LGSN: variants seen among roughly 807,000 people sequenced by gnomAD.
LGSN encodes the protein lengsin, lens protein with glutamine synthetase domain.
In LGSN, 21 loss-of-function variants were observed where a neutral mutation model predicts 19.5. That is an observed-to-expected ratio of 1.07 (90% confidence interval 0.76 to 1.55). LGSN has a LOEUF of 1.55. Ranked by LOEUF, LGSN falls within the 40% of genes most tolerant of loss-of-function variation. The pLI, the probability that LGSN is intolerant of heterozygous loss-of-function variation, is 0.00. For synonymous variants in LGSN, 257 were observed against 215.6 expected (o/e 1.19, Z -1.68); for missense variants, 673 against 608.5 (o/e 1.11, Z -1.12).
intron 1 of LGSN, among the ~76,000 whole-genome samples, chr6:63,295,715 A>G (rs1582032862): frequency 6.6e-6 from 1 of 152,204 alleles, no homozygotes; most frequent in Non-Finnish European, 1.5e-5. Context: ...CCTTGACATG[A>G]CAGGATATGC....
intron 1 of LGSN, among the ~76,000 whole-genome samples, chr6:63,296,457 T>G (rs946769063): frequency 6.6e-6 from 1 of 151,366 alleles, no homozygotes; most frequent in Non-Finnish European, 1.5e-5. Flanking sequence ...GTCTATAATT[T>G]TACTTTTGTT....
chr6:63,337,763 C>A, the LGSN span, among the ~76,000 whole-genome samples: 1 of 152,086 alleles, frequency 6.6e-6, no homozygotes, highest in Non-Finnish European at 1.5e-5. Flanking sequence ...ATGGTTGCAC[C>A]ACTGCACTCC....
At chr6:63,549,091 C>A in the LGSN span, 1 of 708,460 alleles carries the variant, frequency 1.4e-6, no homozygotes. Flanking sequence ...ATGGTGTTAA[C>A]TCCTGCTCGA....
the LGSN span, among the ~76,000 whole-genome samples, chr6:63,521,277 T>C: frequency 1.1e-3 from 164 of 152,006 alleles, 1 homozygote; most frequent in African/African-American, 3.8e-3. Flanking sequence ...AAACGGCAAA[T>C]AATTTTTTAG....
chr6:63,383,450 A>G, the LGSN span, among the ~76,000 whole-genome samples: 1 of 151,982 alleles, frequency 6.6e-6, no homozygotes, highest in Non-Finnish European at 1.5e-5. Context: ...CAGCATATTC[A>G]CACAGGGATA....
the LGSN span, among the ~76,000 whole-genome samples, chr6:63,407,708 G>T: frequency 6.6e-6 from 1 of 152,130 alleles, no homozygotes; most frequent in East Asian, 1.9e-4. Context: ...GCAATAAAGG[G>T]TATTCAATTA....
chr6:63,281,512 T>C (rs950432872), intron 3 of LGSN, among the ~76,000 whole-genome samples: 1 of 151,752 alleles, frequency 6.6e-6, no homozygotes, highest in Non-Finnish European at 1.5e-5. Context: ...AAAGGTATAA[T>C]GATAAAGAAA....
the LGSN span, among the ~76,000 whole-genome samples, chr6:63,411,366 A>C: frequency 8.5e-5 from 13 of 152,218 alleles, no homozygotes; most frequent in Non-Finnish European, 1.5e-4. Flanking sequence ...GATAAGTTAC[A>C]CTAGGACATA....
chr6:63,418,547 G>C, the LGSN span, among the ~76,000 whole-genome samples: 143 of 152,294 alleles, frequency 9.4e-4, 2 homozygotes, highest in African/African-American at 3.2e-3. Flanking sequence ...GCGACAGAGC[G>C]AGACTCCGTC....
chr6:63,469,329 T>C, the LGSN span, among the ~76,000 whole-genome samples: 2 of 152,190 alleles, frequency 1.3e-5, no homozygotes, highest in Non-Finnish European at 2.9e-5. Context: ...CTTTATGCTT[T>C]GATGCTGAGG....
chr6:63,286,160 A>C (rs1420052095), intron 2 of LGSN, among the ~76,000 whole-genome samples: 1 of 152,148 alleles, frequency 6.6e-6, no homozygotes, highest in Non-Finnish European at 1.5e-5. Flanking sequence ...ACTAACTGTT[A>C]ATTTCTAAAT....
chr6:63,369,898 A>C, the LGSN span, among the ~76,000 whole-genome samples: 2 of 152,098 alleles, frequency 1.3e-5, no homozygotes, highest in Non-Finnish European at 2.9e-5. Flanking sequence ...GCTATTCAGG[A>C]GGCTAAGGCA....
the LGSN span, among the ~76,000 whole-genome samples, chr6:63,325,388 A>T: frequency 5.6e-4 from 86 of 152,300 alleles, no homozygotes; most frequent in African/African-American, 2.0e-3. Context: ...CAAATAAGCA[A>T]AATTAGAAAT....
chr6:63,542,240 G>A, the LGSN span, among the ~76,000 whole-genome samples: 1 of 152,084 alleles, frequency 6.6e-6, no homozygotes, highest in Non-Finnish European at 1.5e-5. Flanking sequence ...CAAAGGCATA[G>A]GAATGACACA....
the LGSN span, among the ~76,000 whole-genome samples, chr6:63,326,527 C>A: frequency 1.4e-4 from 21 of 152,190 alleles, no homozygotes; most frequent in African/African-American, 4.8e-4. Flanking sequence ...AGGCTTGGGC[C>A]GCACAGGAGC....
chr6:63,492,929 G>A, the LGSN span, among the ~76,000 whole-genome samples: 1 of 152,158 alleles, frequency 6.6e-6, no homozygotes, highest in Admixed American at 6.6e-5. Context: ...AGAAAGAAAT[G>A]TCATTTTTGC....
At chr6:63,328,051 A>G in the LGSN span, among the ~76,000 whole-genome samples, 3,734 of 152,332 alleles carry the variant, frequency 0.025, 78 homozygotes, top group Non-Finnish European at 0.04. Context: ...CATACTTGCT[A>G]TCTGTATACA....
At chr6:63,422,853 C>T in the LGSN span, among the ~76,000 whole-genome samples, 2 of 152,092 alleles carry the variant, frequency 1.3e-5, no homozygotes, top group Non-Finnish European at 2.9e-5. Flanking sequence ...TGGCAGACTT[C>T]ACTCCTAATG....
chr6:63,285,445 A>G, intron 3 of LGSN, 142 bp downstream of exon 3: 1 of 679,686 alleles, frequency 1.5e-6, no homozygotes, highest in Admixed American at 3.0e-5. Context: ...TTTGGGAGGA[A>G]CAAGGGAAGA....
Sources: gnomAD v4.1 joint callset for allele counts (sites outside exome capture counted in the v4.1 genomes callset) on GRCh38, gnomAD v4.1.1 for gene constraint, MANE v1.5 for transcripts, NCBI Gene and HGNC (gene_info 2026-07-23, HGNC 2026-07-21) for gene names.